CPVL: variants seen among roughly 807,000 people sequenced by gnomAD.
CPVL encodes the protein carboxypeptidase vitellogenic like.
In CPVL, 51 loss-of-function variants were observed where a neutral mutation model predicts 63.7. That is an observed-to-expected ratio of 0.80 (90% CI 0.64 to 1.01). The LOEUF (loss-of-function observed/expected upper bound fraction) is 1.01, where lower values mean the gene tolerates loss of function less well. Among genes scored for constraint, CPVL ranks in the 50% least tolerant of loss-of-function variants. CPVL has a pLI of 0.00. For missense variants in CPVL, 530 were observed against 573.1 expected, an observed-to-expected ratio of 0.92 and a Z score of 0.77; for synonymous variants, 195 against 206.0, an observed-to-expected ratio of 0.95 and a Z score of 0.46.
At chr7:29,094,514 T>C (rs973939208) in intron 5 of CPVL, among the ~76,000 whole-genome samples, 2 of 152,052 alleles carry the variant, frequency 1.3e-5, no homozygotes, top group Non-Finnish European at 2.9e-5. Context: ...TCCTCCTGGG[T>C]TACCTAATTC....
intron 12 of CPVL, among the ~76,000 whole-genome samples, chr7:28,996,632 CT>C (rs1422925736): frequency 6.6e-6 from 1 of 150,998 alleles, no homozygotes; most frequent in East Asian, 1.9e-4. Flanking sequence ...TTAGAACATT[CT>C]TTTTTTTCCT....
chr7:29,026,702 T>G (rs506511), intron 12 of CPVL, among the ~76,000 whole-genome samples: 61,390 of 151,998 alleles, frequency 0.4, 13,299 homozygotes, highest in Non-Finnish European at 0.5. Flanking sequence ...CATCAGAGAC[T>G]ATTATGGACA....
chr7:29,102,217 A>C (rs1787215078), intron 3 of CPVL, among the ~76,000 whole-genome samples: 1 of 152,084 alleles, frequency 6.6e-6, no homozygotes, highest in African/African-American at 2.4e-5. Flanking sequence ...GAAAATATGG[A>C]TACTATTAAT....
intron 12 of CPVL, chr7:29,012,473 A>C (rs574651730): frequency 1.3e-5 from 2 of 152,342 alleles, no homozygotes; most frequent in Middle Eastern, 6.8e-3. Flanking sequence ...GTGATCTATC[A>C]ATAATTAAAA....
intron 11 of CPVL, among the ~76,000 whole-genome samples, chr7:29,056,354 C>T (rs1790731002): frequency 6.6e-6 from 1 of 152,182 alleles, no homozygotes; most frequent in Admixed American, 6.5e-5. Context: ...TTGATCCCTC[C>T]CTCCCCCAAC....
intron 1 of CPVL, among the ~76,000 whole-genome samples, chr7:29,128,944 G>A (rs1482462187): frequency 6.6e-6 from 1 of 152,110 alleles, no homozygotes; most frequent in African/African-American, 2.4e-5. Flanking sequence ...TACACAATGA[G>A]GCTGGAGAGA....
intron 1 of CPVL, chr7:29,194,774 TG>T: frequency 2.0e-6 from 1 of 488,878 alleles, no homozygotes; most frequent in Non-Finnish European, 3.3e-6. Flanking sequence ...GCGCGTCATC[TG>T]GTGGAGCAGG....
intron 11 of CPVL, among the ~76,000 whole-genome samples, chr7:29,051,579 CA>C (rs1389422180): frequency 6.6e-6 from 1 of 151,960 alleles, no homozygotes; most frequent in Non-Finnish European, 1.5e-5. Flanking sequence ...TGGCCATAAT[CA>C]AAAAATCAAA....
intron 5 of CPVL, among the ~76,000 whole-genome samples, chr7:29,094,419 G>A (rs17749481): frequency 0.08 from 12,171 of 152,000 alleles, 608 homozygotes; most frequent in Middle Eastern, 0.14. Context: ...AAGATTAGAC[G>A]ATTGTGAAAG....
chr7:29,118,644 T>C (rs1044586869), intron 2 of CPVL, among the ~76,000 whole-genome samples: 1 of 152,242 alleles, frequency 6.6e-6, no homozygotes, highest in African/African-American at 2.4e-5. Context: ...AATACAAGAA[T>C]GTCTTCGTGT....
At chr7:29,050,406 CAA>C (rs35470901) in intron 11 of CPVL, among the ~76,000 whole-genome samples, 28 of 148,258 alleles carry the variant, frequency 1.9e-4, no homozygotes, top group South Asian at 4.3e-4. Flanking sequence ...ACGATAGCTG[CAA>C]AAAAAAAAAA....
Position 29,121,009 on chromosome 7 carries a change from C to A in CPVL, c.53G>T (p.Gly18Val). Residue 18 changes from glycine (G) to valine (V), a missense_variant, in exon 2 of 13, where the codon GGC becomes GTC. Gly to Val is a moderately radical substitution (Grantham distance 109, BLOSUM62 -3). Coordinates refer to ENST00000265394, the MANE Select transcript of CPVL (RefSeq NM_031311.5). Reference sequence around the variant, plus strand: ...GGAGCGAAACAGCCCATCACAGGGGCCAGGCATCAACAGGACCAGCGAAAC... The same window carrying A: ...GGAGCGAAACAGCCCATCACAGGGGACAGGCATCAACAGGACCAGCGAAAC... ...VIVSLVLLMPGPCDGLFRSLY... is the reference protein window; with the variant it reads ...VIVSLVLLMPVPCDGLFRSLY... The A allele has an allele frequency of 6.2e-7, 1 of 1,612,844 alleles. No homozygotes were observed. The highest frequency in any genetic ancestry group is 8.5e-7 in the Non-Finnish European group (1 of 1,179,486).
In CPVL at chr7:29,093,214, T is replaced by TA. The variant is rs1356130174; in HGVS notation, c.463-513dup. Reference sequence around the variant, plus strand: ...CAGCCTGGCGAAACCCCGTTTCTACTAAAAATACGAAAATTAGCCGGGCAT... The same window carrying TA: ...CAGCCTGGCGAAACCCCGTTTCTACTAAAAAATACGAAAATTAGCCGGGCAT... On this transcript the variant is annotated intron_variant, in intron 5 of 12. Transcript: ENST00000265394. Among the ~76,000 whole-genome samples the TA allele has an allele frequency of 3.3e-5, 5 of 151,710 alleles. No homozygotes were observed. The East Asian group carries it at 9.7e-4, about 29-fold the overall frequency.
At chr7:29,029,114 A>T (rs939528964) in intron 12 of CPVL, among the ~76,000 whole-genome samples, 3 of 152,212 alleles carry the variant, frequency 2.0e-5, no homozygotes, top group African/African-American at 7.2e-5. Flanking sequence ...GTATCATCTC[A>T]TTGGAGTTAT....
upstream of CPVL, among the ~76,000 whole-genome samples, chr7:29,148,323 G>A (rs984321461): frequency 6.6e-6 from 1 of 152,180 alleles, no homozygotes; most frequent in Non-Finnish European, 1.5e-5. Context: ...AACACAGGAG[G>A]AGCCATGCTG....
At chr7:29,042,507 A>T (rs1261152397) in intron 11 of CPVL, among the ~76,000 whole-genome samples, 1 of 152,148 alleles carries the variant, frequency 6.6e-6, no homozygotes, top group Non-Finnish European at 1.5e-5. Context: ...TGGGAGGCTG[A>T]GGTGAGAGGG....
intron 11 of CPVL, among the ~76,000 whole-genome samples, chr7:29,059,265 C>A (rs565898020): frequency 3.9e-5 from 6 of 152,072 alleles, no homozygotes; most frequent in Non-Finnish European, 8.8e-5. Flanking sequence ...CTTATAATCT[C>A]CATATCTCTA....
chr7:29,026,300 C>T (rs971488516), intron 12 of CPVL, among the ~76,000 whole-genome samples: 2 of 151,898 alleles, frequency 1.3e-5, no homozygotes, highest in Non-Finnish European at 2.9e-5. Context: ...ATACCAAAAC[C>T]TATAGGATAC....
intron 1 of CPVL, among the ~76,000 whole-genome samples, chr7:29,135,084 AC>A (rs1202899452): frequency 1.5e-5 from 2 of 137,802 alleles, no homozygotes; most frequent in Admixed American, 7.6e-5. Context: ...AGCCTAGATG[AC>A]AGAGAGAGAC....
Sources: gnomAD v4.1 joint callset for allele counts (sites outside exome capture counted in the v4.1 genomes callset) on GRCh38, gnomAD v4.1.1 for gene constraint, MANE v1.5 for transcripts, NCBI Gene and HGNC (gene_info 2026-07-23, HGNC 2026-07-21) for gene names.